Variants in GRK7 observed in about 807,000 individuals in gnomAD.
GRK7 encodes G protein-coupled receptor kinase 7.
GRK7 carries 24 observed loss-of-function variants against 34.1 expected under a neutral mutation model. The observed-to-expected ratio is 0.70, with a 90% CI of 0.51 to 0.99. GRK7 has a LOEUF of 0.99. Among genes scored for constraint, GRK7 ranks in the 50% least tolerant of loss-of-function variants. GRK7 has a pLI of 0.00. For synonymous variants in GRK7, 256 were observed against 279.4 expected (o/e 0.92, Z 0.84); for missense variants, 644 against 707.3 (o/e 0.91, Z 1.02).
At chr3:141,789,656 C>CAAAAAAAAAGAAAAAAAA (rs2084713816) in intron 4 of GRK7, among the ~76,000 whole-genome samples, 1 of 119,232 alleles carries the variant, frequency 8.4e-6, no homozygotes, top group Admixed American at 8.2e-5. Flanking sequence ...GCCAAATGGG[C>CAAAAAAAAAGAAAAAAAA]AAAAAAAAAA....
chr3:141,792,201 G>A lies in GRK7; in HGVS notation c.1050+11390G>A, dbSNP rs565693169. Among the ~76,000 whole-genome samples, 22 of 150,394 alleles carry A rather than the reference G, an allele frequency of 1.5e-4. 1 individual carries two copies. Among genetic ancestry groups the A allele is most frequent in the African/African-American group, 3.9e-4 (16 of 40,864 alleles). On this transcript the variant is annotated intron_variant, in intron 4 of 5. Transcript: ENST00000682958. ...ACAGATCACTTGAGGTCAGGAGTTC[G>A]AGACCAGCCTGGCCAACCTGGTGAA...
intron 1 of GRK7, among the ~76,000 whole-genome samples, chr3:141,774,339 T>A (rs1363784989): frequency 1.3e-5 from 2 of 152,006 alleles, no homozygotes; most frequent in Non-Finnish European, 2.9e-5. Context: ...GGAGGATCCC[T>A]TGAGCCCAGG....
In GRK7 at chr3:141,778,283, C is replaced by T. The variant is rs532690516; in HGVS notation, c.-2C>T. 2 of 1,560,360 alleles carry T rather than the reference C, an allele frequency of 1.3e-6. No homozygotes were observed. The highest frequency in any genetic ancestry group is 2.4e-5 in the South Asian group (2 of 82,552). ...CCCTGGGAGTGCGCCCCGTGCTCAG[C>T]CATGGTGGACATGGGGGCCCTGGAC... On this transcript the variant is annotated 5_prime_UTR_variant, in exon 3 of 6. Transcript: ENST00000682958. This position sits in a 1 kb window ranked among gnomAD's most constrained non-coding sequence, Gnocchi z 4.1.
the GRK7 span, among the ~76,000 whole-genome samples, chr3:141,757,131 T>TTTTTTTTC: frequency 2.5e-4 from 7 of 28,048 alleles, no homozygotes; most frequent in Admixed American, 1.8e-3. Context: ...ATCTTCTTCT[T>TTTTTTTTC]TTTTTTTTTT....
chr3:141,805,418 G>A (rs559366710), intron 4 of GRK7, among the ~76,000 whole-genome samples: 1 of 152,268 alleles, frequency 6.6e-6, no homozygotes, highest in Non-Finnish European at 1.5e-5. Context: ...ACAAAGATGA[G>A]TAAGACTGTA....
intron 2 of GRK7, among the ~76,000 whole-genome samples, chr3:141,775,787 G>A (rs567731929): frequency 1.1e-4 from 16 of 149,704 alleles, no homozygotes; most frequent in East Asian, 4.0e-4. Context: ...AGTTAATTTC[G>A]CCTGTTTTTT....
intron 4 of GRK7, among the ~76,000 whole-genome samples, chr3:141,805,164 C>A (rs550455930): frequency 6.6e-6 from 1 of 152,066 alleles, no homozygotes; most frequent in Non-Finnish European, 1.5e-5. Context: ...GGCCCCCCTG[C>A]GCGTGCTCCA....
intron 5 of GRK7, among the ~76,000 whole-genome samples, chr3:141,808,529 ATGG>A (rs1314084803): frequency 6.6e-6 from 1 of 151,842 alleles, no homozygotes; most frequent in Non-Finnish European, 1.5e-5. Flanking sequence ...CCTGGCCAAG[ATGG>A]TGAAACCCCA....
At chr3:141,756,244 G>A in the GRK7 span, among the ~76,000 whole-genome samples, 2 of 151,562 alleles carry the variant, frequency 1.3e-5, no homozygotes, top group African/African-American at 4.9e-5. Flanking sequence ...CCCAGGAGGT[G>A]GAGGTTGCAG....
chr3:141,786,177 G>A (rs773095794), intron 4 of GRK7, among the ~76,000 whole-genome samples: 5 of 152,136 alleles, frequency 3.3e-5, no homozygotes, highest in Non-Finnish European at 7.3e-5. Context: ...TGTTAAAGGA[G>A]AGGAGGAATG....
At chr3:141,809,343 A>G (rs1418724009) in intron 5 of GRK7, among the ~76,000 whole-genome samples, 2 of 152,310 alleles carry the variant, frequency 1.3e-5, no homozygotes, top group South Asian at 2.1e-4. Flanking sequence ...AATATTTATG[A>G]TATTGCCAAC....
At chr3:141,771,192 A>T in intron 1 of GRK7, among the ~76,000 whole-genome samples, 1 of 152,068 alleles carries the variant, frequency 6.6e-6, no homozygotes, top group Non-Finnish European at 1.5e-5. Context: ...GACTGGGTAA[A>T]GAAAATGTAT....
At chr3:141,811,716 G>A (rs1284287389) in intron 5 of GRK7, among the ~76,000 whole-genome samples, 2 of 152,022 alleles carry the variant, frequency 1.3e-5, no homozygotes, top group African/African-American at 2.4e-5. Flanking sequence ...GATTAATGTA[G>A]TGGGCATCCT....
chr3:141,781,052 G>A (rs2084670334), intron 4 of GRK7, among the ~76,000 whole-genome samples: 1 of 152,108 alleles, frequency 6.6e-6, no homozygotes, highest in Admixed American at 6.6e-5. Flanking sequence ...TTGTGAGTTG[G>A]GGATGGCCTG....
chr3:141,786,413 T>C (rs1438181036), intron 4 of GRK7, among the ~76,000 whole-genome samples: 2 of 152,100 alleles, frequency 1.3e-5, no homozygotes, highest in Non-Finnish European at 2.9e-5. Flanking sequence ...ACAAGACCCG[T>C]GAGTATGATG....
In GRK7 at chr3:141,816,816, A is replaced by C. The variant is rs1316414919; in HGVS notation, c.1428A>C (p.Ser476=). The change falls in exon 6 of 6, where the codon TCA becomes TCC. Residue 476 remains serine (S), a synonymous_variant. Transcript: ENST00000682958. ...LIEPPFVPDP[S]VVYAKDIAEI... is the part of the protein sequence containing the mutation. Reference sequence around the variant, plus strand: ...AACCCCCATTTGTGCCAGACCCTTCAGTGGTTTATGCCAAAGACATCGCTG... The same window carrying C: ...AACCCCCATTTGTGCCAGACCCTTCCGTGGTTTATGCCAAAGACATCGCTG... 6.2e-7 allele frequency: 1 copy of C among 1,612,754 alleles called. No individual in the cohort carries two copies. Among genetic ancestry groups the C allele is most frequent in the Non-Finnish European group, 8.5e-7 (1 of 1,179,010 alleles).
chr3:141,774,793 T>C (rs1471179518), intron 2 of GRK7, among the ~76,000 whole-genome samples, 113 bp downstream of exon 2: 1 of 76,452 alleles, frequency 1.3e-5, no homozygotes, highest in East Asian at 6.1e-4. Flanking sequence ...ATTATTATTA[T>C]TATTATTATT....
chr3:141,757,301 C>T, the GRK7 span, among the ~76,000 whole-genome samples: 6,295 of 151,084 alleles, frequency 0.042, 160 homozygotes, highest in Non-Finnish European at 0.056. Context: ...TATCCCTCCC[C>T]GCTCCCCCCA....
intron 4 of GRK7, among the ~76,000 whole-genome samples, chr3:141,790,753 G>A (rs768991324): frequency 5.9e-5 from 9 of 152,030 alleles, no homozygotes; most frequent in Non-Finnish European, 8.8e-5. Context: ...TAGTAGAGTC[G>A]GGGTTTCACC....
Sources: allele counts gnomAD v4.1 joint callset (sites outside exome capture counted in the v4.1 genomes callset), GRCh38; gene constraint gnomAD v4.1.1; non-coding constraint Gnocchi (gnomAD v3.1); transcripts MANE v1.5; gene names NCBI Gene and HGNC (gene_info 2026-07-23, HGNC 2026-07-21).